The following MGAT5 variants were observed in gnomAD, a reference collection of about 807,000 sequenced individuals.
MGAT5 encodes the protein alpha-1,6-mannosylglycoprotein 6-beta-N-acetylglucosaminyltransferase A.
MGAT5 carries 30 observed loss-of-function variants against 94.3 expected under a neutral mutation model. The observed-to-expected ratio is 0.32, with a 90% CI of 0.24 to 0.43. MGAT5 has a LOEUF of 0.43. MGAT5 is among the 20% of genes least tolerant of loss of function. The probability of loss-of-function intolerance (pLI) is 1.00; values close to 1 mark genes in which losing one functional copy is unlikely to be tolerated. For synonymous variants in MGAT5, 310 were observed against 322.9 expected (o/e 0.96, Z 0.43); for missense variants, 691 against 905.5 (o/e 0.76, Z 3.04).
rs929426795 is a variant in MGAT5, at chr2:134,452,355, G to A, written c.*3508G>A. ...TGGCTGAGGCAGAATCATGTGAATG[G>A]GTGCATCCAAGGAGTTCAGGGCCCT... On this transcript the variant is annotated 3_prime_UTR_variant, in exon 16 of 16. Transcript: ENST00000281923. 6.6e-6 allele frequency: 1 copy of A among 152,174 alleles called. No homozygotes were observed. The highest frequency in any genetic ancestry group is 2.4e-5 in the African/African-American group (1 of 41,432). 9.4% of individuals were successfully genotyped at this position (152,174 alleles called of 1,614,324 possible).
intron 1 of MGAT5, among the ~76,000 whole-genome samples, chr2:134,225,569 G>T (rs1043298178): frequency 6.6e-6 from 1 of 152,102 alleles, no homozygotes; most frequent in Non-Finnish European, 1.5e-5. Flanking sequence ...ATGTGATTTG[G>T]TTTTTTACCT....
chr2:134,162,200 A>G (rs1449461470), intron 1 of MGAT5, among the ~76,000 whole-genome samples: 1 of 151,996 alleles, frequency 6.6e-6, no homozygotes, highest in East Asian at 1.9e-4. Flanking sequence ...AAAAAAAAAC[A>G]AAAACAAAAT....
At chr2:134,381,555 A>ATAGATAGATAGATAGG (rs1681633377) in intron 10 of MGAT5, among the ~76,000 whole-genome samples, 1 of 128,404 alleles carries the variant, frequency 7.8e-6, no homozygotes, top group South Asian at 2.5e-4. Context: ...AGATAGATAG[A>ATAGATAGATAGATAGG]TAGCACTACA....
At chr2:134,309,073 A>G (rs1686500430) in intron 2 of MGAT5, among the ~76,000 whole-genome samples, 1 of 151,750 alleles carries the variant, frequency 6.6e-6, no homozygotes, top group African/African-American at 2.4e-5. Flanking sequence ...TGTAAATGGA[A>G]TCTCATATGT....
intron 10 of MGAT5, among the ~76,000 whole-genome samples, chr2:134,402,385 A>G (rs1304100028): frequency 6.6e-6 from 1 of 152,168 alleles, no homozygotes; most frequent in Non-Finnish European, 1.5e-5. Flanking sequence ...TTCTACTTTT[A>G]TCTACCTGAG....
At position 134,172,548 on chromosome 2, in the gene MGAT5, A is replaced by G. The variant is rs573264054; in HGVS notation, c.-143+52257A>G. Among the ~76,000 whole-genome samples, 127 of 152,096 alleles carry G rather than the reference A, an allele frequency of 8.3e-4. No homozygotes were observed. In the Middle Eastern group the frequency reaches 0.01, roughly 12 times the overall value. The stretch of plus-strand genomic sequence containing the variant: ...ACTGCAGGTGCCCACCACCACGCCC[A>G]GCTAATTTTTTGTATTTTTAGTAGA... On this transcript the variant is annotated intron_variant, in intron 1 of 16. Transcript: ENST00000409645.
intron 1 of MGAT5, among the ~76,000 whole-genome samples, chr2:134,164,425 A>G (rs1687872011): frequency 6.6e-6 from 1 of 152,114 alleles, no homozygotes. Context: ...TTGCCAAGGA[A>G]GAATTGTAGA....
At chr2:134,400,198 G>A (rs1001156483) in intron 10 of MGAT5, among the ~76,000 whole-genome samples, 4 of 152,104 alleles carry the variant, frequency 2.6e-5, no homozygotes, top group African/African-American at 9.7e-5. Context: ...GGTATGAGAG[G>A]CTTCTGGGGC....
intron 10 of MGAT5, among the ~76,000 whole-genome samples, chr2:134,402,080 G>A (rs1011308235): frequency 6.6e-6 from 1 of 152,142 alleles, no homozygotes; most frequent in Non-Finnish European, 1.5e-5. Context: ...AGGAAACCTT[G>A]TCCCACTTTT....
At chr2:134,293,977 C>G (rs962448725) in intron 2 of MGAT5, among the ~76,000 whole-genome samples, 3 of 152,224 alleles carry the variant, frequency 2.0e-5, no homozygotes, top group East Asian at 1.9e-4. Flanking sequence ...TAACTTGCCC[C>G]CTTTGTTCGT....
intron 1 of MGAT5, among the ~76,000 whole-genome samples, chr2:134,136,749 G>A (rs1686429533): frequency 1.3e-5 from 2 of 152,168 alleles, no homozygotes; most frequent in African/African-American, 4.8e-5. Context: ...ATTGTGGTGT[G>A]TTCTAGACCC....
At chr2:134,294,500 G>T (rs4954126) in intron 2 of MGAT5, among the ~76,000 whole-genome samples, 1 of 152,092 alleles carries the variant, frequency 6.6e-6, no homozygotes, top group Non-Finnish European at 1.5e-5. Flanking sequence ...CAAGTTCTGT[G>T]TAAGGGGATT....
chr2:134,278,443 A>G (rs922192597), intron 2 of MGAT5, among the ~76,000 whole-genome samples: 1 of 152,170 alleles, frequency 6.6e-6, no homozygotes, highest in Non-Finnish European at 1.5e-5. Flanking sequence ...ATGCCTATTC[A>G]TGATCCAGTC....
chr2:134,194,659 C>T (rs993130476), intron 1 of MGAT5, among the ~76,000 whole-genome samples: 5 of 152,080 alleles, frequency 3.3e-5, no homozygotes, highest in African/African-American at 1.2e-4. Flanking sequence ...CTCCCTCCCC[C>T]GGGAGGTCTA....
chr2:134,173,501 G>C (rs919255529), intron 1 of MGAT5, among the ~76,000 whole-genome samples: 2 of 152,230 alleles, frequency 1.3e-5, no homozygotes, highest in Non-Finnish European at 2.9e-5. Flanking sequence ...GCACCCCCTT[G>C]TTCTCAGCTC....
At chr2:134,144,463 C>T (rs983746992) in intron 1 of MGAT5, among the ~76,000 whole-genome samples, 10 of 152,090 alleles carry the variant, frequency 6.6e-5, no homozygotes, top group South Asian at 2.1e-4. Context: ...ATGAGAACTC[C>T]GCCCCCCTGA....
At chr2:134,342,514 G>A (rs1171693338) in intron 7 of MGAT5, among the ~76,000 whole-genome samples, 1 of 152,114 alleles carries the variant, frequency 6.6e-6, no homozygotes, top group Non-Finnish European at 1.5e-5. Context: ...CACTTCGGGA[G>A]GCCAAGGTAG....
intron 10 of MGAT5, among the ~76,000 whole-genome samples, chr2:134,367,005 A>G (rs1286487220): frequency 6.6e-6 from 1 of 152,196 alleles, no homozygotes; most frequent in African/African-American, 2.4e-5. Flanking sequence ...AGAGCCAGGT[A>G]AAGCTGTGGT....
intron 1 of MGAT5, among the ~76,000 whole-genome samples, chr2:134,255,990 A>G (rs529768535): frequency 1.5e-4 from 23 of 152,308 alleles, no homozygotes; most frequent in African/African-American, 5.5e-4. Context: ...GTATGTGTAT[A>G]TATTAGAAGA....
Sources: gnomAD v4.1 joint callset for allele counts (sites outside exome capture counted in the v4.1 genomes callset) on GRCh38, gnomAD v4.1.1 for gene constraint, MANE v1.5 for transcripts, NCBI Gene and HGNC (gene_info 2026-07-23, HGNC 2026-07-21) for gene names.